The following ZRANB3 variants were observed in gnomAD, a reference collection of about 807,000 sequenced individuals.
The protein encoded by ZRANB3 is DNA annealing helicase and endonuclease ZRANB3.
A neutral mutation model predicts 133.8 loss-of-function variants in ZRANB3; 125 were observed. The ratio of observed to expected loss-of-function variants is 0.93; its 90% confidence interval spans 0.81 to 1.08. The LOEUF is 1.08. ZRANB3 is among the 50% of genes least tolerant of loss of function. The probability of loss-of-function intolerance (pLI) is 0.00; values close to 1 mark genes in which losing one functional copy is unlikely to be tolerated. For synonymous variants in ZRANB3, 387 were observed against 432.7 expected (o/e 0.89, Z 1.31); for missense variants, 1,229 against 1,275.5 (o/e 0.96, Z 0.56).
At chr2:135,241,980 G>A (rs1337647372) in intron 12 of ZRANB3, among the ~76,000 whole-genome samples, 1 of 152,076 alleles carries the variant, frequency 6.6e-6, no homozygotes, top group African/African-American at 2.4e-5. Context: ...AGGAGTTCCA[G>A]ACCAGCCTAG....
At chr2:135,400,141 G>A (rs1261125815) in intron 2 of ZRANB3, among the ~76,000 whole-genome samples, 1 of 152,062 alleles carries the variant, frequency 6.6e-6, no homozygotes, top group Non-Finnish European at 1.5e-5. Context: ...TCGGGAGGCT[G>A]AGGCAGAAGA....
In ZRANB3 at chr2:135,200,246, T is replaced by C. The variant is rs1032684953; in HGVS notation, c.*96A>G. 22 of 1,007,676 alleles carry C rather than the reference T, an allele frequency of 2.2e-5. No homozygotes were observed. The highest frequency in any genetic ancestry group is 3.1e-5 in the Non-Finnish European group (21 of 679,002). The allele number at this position is 1,007,676 out of a possible 1,614,324, so 62.4% of individuals were successfully genotyped here. A position where few individuals can be genotyped will look rare whatever the true frequency, so the allele number is the denominator to read the frequency against. ...GAATTCTTGATTTTTGTTCTGAAAA[T>C]TTTTACTCTCGATATATTAAACAAA... On this transcript the variant is annotated 3_prime_UTR_variant, in exon 21 of 21. Transcript: ENST00000264159.
chr2:135,330,584 G>C (rs1370734376), intron 6 of ZRANB3, among the ~76,000 whole-genome samples: 1 of 152,164 alleles, frequency 6.6e-6, no homozygotes, highest in African/African-American at 2.4e-5. Context: ...AGTTAGGGAG[G>C]ATTCCCTCTT....
intron 2 of ZRANB3, among the ~76,000 whole-genome samples, chr2:135,440,852 T>C (rs1015328308): frequency 1.3e-5 from 2 of 152,106 alleles, no homozygotes; most frequent in Non-Finnish European, 2.9e-5. Flanking sequence ...AAACGGAAAC[T>C]AACACTGGGA....
intron 5 of ZRANB3, among the ~76,000 whole-genome samples, chr2:135,348,930 G>A (rs890307429): frequency 2.0e-5 from 3 of 152,092 alleles, no homozygotes; most frequent in Admixed American, 2.0e-4. Context: ...TATCTTGAAG[G>A]ATACGTTTCA....
intron 3 of ZRANB3, among the ~76,000 whole-genome samples, chr2:135,385,740 A>T (rs1686940513): frequency 6.6e-6 from 1 of 152,338 alleles, no homozygotes; most frequent in Non-Finnish European, 1.5e-5. Flanking sequence ...AAATGGGGAA[A>T]GGATTACCTG....
At chr2:135,233,890 G>A (rs555672954) in intron 12 of ZRANB3, among the ~76,000 whole-genome samples, 12 of 152,218 alleles carry the variant, frequency 7.9e-5, no homozygotes, top group South Asian at 4.2e-4. Context: ...ATCAACTAAC[G>A]AGCAAAATAA....
chr2:135,360,934 GGTTTGTTT>G (rs148805971), intron 3 of ZRANB3, among the ~76,000 whole-genome samples: 19 of 149,880 alleles, frequency 1.3e-4, no homozygotes, highest in African/African-American at 3.5e-4. Flanking sequence ...GCCTGTTTTT[GGTTTGTTT>G]GTTTGTTTGT....
Position 135,406,929 on chromosome 2 carries a change from T to G in ZRANB3, c.162-16109A>C, listed in dbSNP as rs1311144003. Among the ~76,000 whole-genome samples the G allele has an allele frequency of 3.3e-5, 5 of 152,164 alleles. No individual in the cohort carries two copies. The East Asian group carries it at 7.7e-4, about 23-fold the overall frequency. On this transcript the variant is annotated intron_variant, in intron 2 of 20. Transcript: ENST00000264159. ...CATGGCACAAGACAGGGATGCCCTC[T>G]CTCACCACTCCTATTCAACATAGTG...
At chr2:135,342,057 T>C (rs1273620922) in intron 6 of ZRANB3, among the ~76,000 whole-genome samples, 1 of 149,938 alleles carries the variant, frequency 6.7e-6, no homozygotes, top group Non-Finnish European at 1.5e-5. Context: ...AGCCTATTCG[T>C]ACACTCCCTA....
intron 6 of ZRANB3, among the ~76,000 whole-genome samples, chr2:135,327,507 G>C (rs1683893262): frequency 1.3e-5 from 2 of 152,128 alleles, no homozygotes; most frequent in South Asian, 4.1e-4. Context: ...TCTTGATTTA[G>C]TAGAGAATAA....
At chr2:135,343,260 A>C (rs1036761960) in intron 6 of ZRANB3, among the ~76,000 whole-genome samples, 3 of 148,758 alleles carry the variant, frequency 2.0e-5, no homozygotes, top group Non-Finnish European at 4.4e-5. Context: ...TATAGAGATG[A>C]TGAGGTTTCT....
chr2:135,440,463 C>T (rs1161499464), intron 2 of ZRANB3, among the ~76,000 whole-genome samples: 1 of 151,672 alleles, frequency 6.6e-6, no homozygotes, highest in East Asian at 1.9e-4. Context: ...CTAACTCTTA[C>T]ATTGCTCAAC....
chr2:135,470,381 T>A (rs962375937), intron 2 of ZRANB3, among the ~76,000 whole-genome samples: 5 of 150,146 alleles, frequency 3.3e-5, no homozygotes, highest in African/African-American at 1.2e-4. Context: ...ATTTTGATCT[T>A]AACTAATTAA....
At chr2:135,397,542 T>C (rs1018026417) in intron 2 of ZRANB3, among the ~76,000 whole-genome samples, 9 of 152,178 alleles carry the variant, frequency 5.9e-5, no homozygotes, top group African/African-American at 2.2e-4. Flanking sequence ...AGATTTCTAT[T>C]ATAGTTAAAG....
chr2:135,453,362 G>A (rs924540901), intron 2 of ZRANB3, among the ~76,000 whole-genome samples: 2 of 152,182 alleles, frequency 1.3e-5, no homozygotes, highest in Non-Finnish European at 2.9e-5. Flanking sequence ...TAGGCTCCTT[G>A]CTACTTATGC....
chr2:135,363,555 A>G (rs946444721), intron 3 of ZRANB3, among the ~76,000 whole-genome samples: 2 of 152,144 alleles, frequency 1.3e-5, no homozygotes, highest in African/African-American at 4.8e-5. Context: ...ATTTTTTTCC[A>G]CTTGCATTGT....
At chr2:135,232,870 T>G (rs931978278) in intron 12 of ZRANB3, among the ~76,000 whole-genome samples, 2 of 151,932 alleles carry the variant, frequency 1.3e-5, no homozygotes, top group Admixed American at 1.3e-4. Context: ...AACTGGAAAC[T>G]CTAAAAATCA....
chr2:135,378,360 G>A (rs551790511), intron 3 of ZRANB3, among the ~76,000 whole-genome samples: 110 of 152,112 alleles, frequency 7.2e-4, no homozygotes, highest in African/African-American at 2.4e-3. Context: ...AGGTGTAGTG[G>A]TGGGTGCCTG....
Sources: gnomAD v4.1 joint callset for allele counts (sites outside exome capture counted in the v4.1 genomes callset) on GRCh38, gnomAD v4.1.1 for gene constraint, MANE v1.5 for transcripts, NCBI Gene and HGNC (gene_info 2026-07-23, HGNC 2026-07-21) for gene names.